Variants in MYRIP observed in about 807,000 individuals in gnomAD.
MYRIP encodes the protein myosin VIIA and Rab interacting protein.
MYRIP carries 49 observed loss-of-function variants against 98.0 expected under a neutral mutation model. The ratio of observed to expected loss-of-function variants is 0.50; its 90% CI spans 0.40 to 0.63. The LOEUF is 0.63. MYRIP is among the 30% of genes least tolerant of loss of function. The probability of loss-of-function intolerance (pLI) is 0.00; values close to 1 mark genes in which losing one functional copy is unlikely to be tolerated. For synonymous variants in MYRIP, 404 were observed against 409.5 expected (o/e 0.99, Z 0.16); for missense variants, 1,004 against 1,058.2 (o/e 0.95, Z 0.71).
At chr3:39,884,728 A>G (rs940689900) in intron 1 of MYRIP, among the ~76,000 whole-genome samples, 6 of 151,686 alleles carry the variant, frequency 4.0e-5, no homozygotes, top group African/African-American at 1.2e-4. Flanking sequence ...AACTTTCCAT[A>G]TTCGCTCATA....
At chr3:39,880,692 A>C (rs1943136993) in intron 1 of MYRIP, among the ~76,000 whole-genome samples, 1 of 152,316 alleles carries the variant, frequency 6.6e-6, no homozygotes, top group East Asian at 1.9e-4. Flanking sequence ...GTCTGTGACA[A>C]TTAAATGGAT....
intron 2 of MYRIP, among the ~76,000 whole-genome samples, chr3:39,999,868 C>G (rs1433822552): frequency 6.6e-6 from 1 of 151,956 alleles, no homozygotes; most frequent in Non-Finnish European, 1.5e-5. Context: ...GAGTTCATGT[C>G]CTTTGTAGGG....
chr3:39,860,881 C>T (rs1942448783), intron 1 of MYRIP, among the ~76,000 whole-genome samples: 1 of 152,224 alleles, frequency 6.6e-6, no homozygotes, highest in Non-Finnish European at 1.5e-5. Context: ...ACAGAAGGCA[C>T]CAGCCCCATA....
At chr3:39,873,946 T>C (rs1452936889) in intron 1 of MYRIP, among the ~76,000 whole-genome samples, 93 of 152,048 alleles carry the variant, frequency 6.1e-4, no homozygotes, top group South Asian at 1.0e-3. Flanking sequence ...GCCATTTTCA[T>C]GATATTGATT....
chr3:39,821,541 A>G (rs974099722), intron 1 of MYRIP, among the ~76,000 whole-genome samples: 24 of 151,722 alleles, frequency 1.6e-4, no homozygotes, highest in Non-Finnish European at 2.8e-4. Context: ...AATTTACATG[A>G]TTAATTCATT....
intron 1 of MYRIP, among the ~76,000 whole-genome samples, chr3:39,830,401 G>T (rs1251569973): frequency 3.3e-5 from 5 of 152,108 alleles, no homozygotes; most frequent in Non-Finnish European, 7.4e-5. Flanking sequence ...CCTAGTCCTT[G>T]TACTCTCTTA....
chr3:39,985,502 CA>C (rs1946010394), intron 2 of MYRIP, among the ~76,000 whole-genome samples: 1 of 131,488 alleles, frequency 7.6e-6, no homozygotes, highest in Admixed American at 7.9e-5. Context: ...ATCGCCAAGT[CA>C]ATCCTAAGCC....
At chr3:40,016,606 T>C (rs1392306444) in intron 2 of MYRIP, among the ~76,000 whole-genome samples, 1 of 152,176 alleles carries the variant, frequency 6.6e-6, no homozygotes, top group African/African-American at 2.4e-5. Context: ...CTCAGCGGGT[T>C]GTCCTGGCCC....
chr3:40,170,649 T>A (rs1443241553), intron 8 of MYRIP, among the ~76,000 whole-genome samples: 1 of 152,216 alleles, frequency 6.6e-6, no homozygotes, highest in Non-Finnish European at 1.5e-5. Flanking sequence ...GCTGAGTCTG[T>A]CACATCCTTT....
intron 3 of MYRIP, among the ~76,000 whole-genome samples, chr3:40,068,703 G>T (rs1051070848): frequency 6.6e-6 from 1 of 152,216 alleles, no homozygotes; most frequent in African/African-American, 2.4e-5. Flanking sequence ...TACATTGATT[G>T]ACTGAGCCAG....
At chr3:39,900,583 C>A (rs556609084) in intron 1 of MYRIP, among the ~76,000 whole-genome samples, 43 of 152,000 alleles carry the variant, frequency 2.8e-4, no homozygotes, top group Non-Finnish European at 6.0e-4. Flanking sequence ...ATGAAACTGG[C>A]AAATGACCCA....
intron 2 of MYRIP, among the ~76,000 whole-genome samples, chr3:39,904,046 A>G (rs1462340657): frequency 3.3e-5 from 5 of 152,238 alleles, no homozygotes; most frequent in African/African-American, 4.8e-5. Flanking sequence ...GAAGGCAAGC[A>G]TGGTATTTGG....
intron 2 of MYRIP, among the ~76,000 whole-genome samples, chr3:39,989,067 T>C (rs975480417): frequency 1.3e-5 from 2 of 152,008 alleles, no homozygotes; most frequent in African/African-American, 4.8e-5. Context: ...TGGAGAGGCA[T>C]TGTGATCATT....
At chr3:40,111,486 T>C (rs1170312677) in intron 3 of MYRIP, among the ~76,000 whole-genome samples, 1 of 152,120 alleles carries the variant, frequency 6.6e-6, no homozygotes, top group Non-Finnish European at 1.5e-5. Flanking sequence ...TAAATACCCA[T>C]TTGCTAGTGT....
intron 2 of MYRIP, among the ~76,000 whole-genome samples, chr3:39,958,915 C>T (rs1322165042): frequency 6.6e-6 from 1 of 152,128 alleles, no homozygotes; most frequent in Non-Finnish European, 1.5e-5. Context: ...AGCCAACAGA[C>T]ACATGAAAAA....
At chr3:40,164,154 T>C (rs950123772) in intron 5 of MYRIP, among the ~76,000 whole-genome samples, 4 of 152,126 alleles carry the variant, frequency 2.6e-5, no homozygotes, top group African/African-American at 9.7e-5. Flanking sequence ...CTCTCCTCAT[T>C]TCCCCACAGC....
chr3:40,134,082 G>A (rs910953843), intron 3 of MYRIP, among the ~76,000 whole-genome samples: 4 of 152,200 alleles, frequency 2.6e-5, no homozygotes, highest in South Asian at 2.1e-4. Flanking sequence ...GAAGCAGGGC[G>A]AGGCATTGCC....
chr3:40,242,025 TCATAG>T (rs2125710705), intron 12 of MYRIP, among the ~76,000 whole-genome samples: 1 of 152,282 alleles, frequency 6.6e-6, no homozygotes, highest in East Asian at 1.9e-4. Flanking sequence ...TATCACAGCA[TCATAG>T]GGCAAGGAGG....
intron 3 of MYRIP, among the ~76,000 whole-genome samples, chr3:40,137,365 C>T (rs1949802377): frequency 6.6e-6 from 1 of 152,294 alleles, no homozygotes; most frequent in Admixed American, 6.5e-5. Flanking sequence ...AGACCAATAA[C>T]AGGAGCTGAA....
Sources: gnomAD v4.1 joint callset for allele counts (sites outside exome capture counted in the v4.1 genomes callset) on GRCh38, gnomAD v4.1.1 for gene constraint, MANE v1.5 for transcripts, NCBI Gene and HGNC (gene_info 2026-07-23, HGNC 2026-07-21) for gene names.